SNTB2: variants seen among roughly 807,000 people sequenced by gnomAD.
SNTB2 encodes the protein beta-2-syntrophin.
SNTB2 carries 34 observed loss-of-function variants against 46.2 expected under a neutral mutation model. The ratio of observed to expected loss-of-function variants is 0.74; its 90% CI spans 0.56 to 0.98. SNTB2 has a LOEUF of 0.98. Among genes scored for constraint, SNTB2 ranks in the 50% least tolerant of loss-of-function variants. SNTB2 has a pLI of 0.00. For missense variants in SNTB2, 603 were observed against 731.4 expected, an observed-to-expected ratio of 0.82 and a Z score of 2.02; for synonymous variants, 290 against 312.6, an observed-to-expected ratio of 0.93 and a Z score of 0.76.
intron 1 of SNTB2, 99 bp from the exon 2 acceptor site, chr16:69,245,503 C>T (rs369667844): frequency 8.3e-7 from 1 of 1,209,910 alleles, no homozygotes; most frequent in East Asian, 2.3e-5. Flanking sequence ...CTCTTTCCTC[C>T]ACTTTGTTAT....
chr16:69,272,562 A>T (rs1229708905), intron 4 of SNTB2, among the ~76,000 whole-genome samples: 1 of 148,720 alleles, frequency 6.7e-6, no homozygotes, highest in Non-Finnish European at 1.5e-5. Flanking sequence ...AAAAAAAGAG[A>T]TAATTATTCC....
Position 69,301,099 on chromosome 16 carries a change from A to C in SNTB2, c.*175A>C. The C allele has an allele frequency of 1.8e-6, 1 of 552,372 alleles. No individual in the cohort carries two copies. Among genetic ancestry groups the C allele is most frequent in the Non-Finnish European group, 3.3e-6 (1 of 306,694 alleles). 34.2% of individuals were successfully genotyped at this position (552,372 alleles called of 1,614,324 possible). On this transcript the variant is annotated 3_prime_UTR_variant, in exon 7 of 7. Coordinates refer to ENST00000336278, the MANE Select transcript of SNTB2 (RefSeq NM_006750.4). ...AAGAAGAGCCTACCTTTCACAGTCT[A>C]CCTTGGCCAGATATTCTAGCACTCT...
At chr16:69,207,130 C>CCTTTT (rs895837128) in intron 1 of SNTB2, among the ~76,000 whole-genome samples, 13 of 146,974 alleles carry the variant, frequency 8.8e-5, no homozygotes, top group Non-Finnish European at 1.3e-4. Context: ...TATAGATTTT[C>CCTTTT]CTTTTCTTTT....
intron 1 of SNTB2, among the ~76,000 whole-genome samples, chr16:69,216,578 A>G (rs1029512874): frequency 6.6e-6 from 1 of 151,830 alleles, no homozygotes; most frequent in African/African-American, 2.4e-5. Context: ...TCAGCTACTC[A>G]GGAGGCTGAG....
At chr16:69,285,673 G>A (rs987767041) in intron 5 of SNTB2, among the ~76,000 whole-genome samples, 4 of 150,726 alleles carry the variant, frequency 2.7e-5, no homozygotes, top group Non-Finnish European at 5.9e-5. Context: ...TTTTTTTTAA[G>A]TAGAGATGGG....
intron 1 of SNTB2, among the ~76,000 whole-genome samples, chr16:69,221,668 C>G (rs758418332): frequency 1.3e-5 from 2 of 152,070 alleles, no homozygotes; most frequent in Admixed American, 6.6e-5. Context: ...CCCAGCTCCT[C>G]GGGAGGCTGA....
rs192045915 is a variant in SNTB2 at position 69,283,930 on chromosome 16, C to T, written c.1149-118C>T. The T allele has an allele frequency of 1.3e-4, 121 of 904,018 alleles. No individual in the cohort carries two copies. The African/African-American group carries it at 1.9e-3, about 14-fold the overall frequency. The allele number at this position is 904,018 out of a possible 1,614,324, so 56.0% of individuals were successfully genotyped here. ...AGACTATAATCTTGCTTTGAAATGTCTATATCCAAAAACTGCTGATTGCTT... is the reference window on the plus strand; with the variant it reads ...AGACTATAATCTTGCTTTGAAATGTTTATATCCAAAAACTGCTGATTGCTT... On this transcript the variant is annotated intron_variant, in intron 4 of 6. Transcript: ENST00000336278.
chr16:69,254,801 A>AC (rs1469501942), intron 2 of SNTB2, among the ~76,000 whole-genome samples: 2 of 152,104 alleles, frequency 1.3e-5, no homozygotes, highest in Non-Finnish European at 2.9e-5. Context: ...ACATAGTGAG[A>AC]CCCTGTCTCT....
chr16:69,247,718 G>A (rs1397024550), intron 2 of SNTB2, among the ~76,000 whole-genome samples: 1 of 152,164 alleles, frequency 6.6e-6, no homozygotes, highest in African/African-American at 2.4e-5. Context: ...TTTAAAAAAA[G>A]GGATAATGGT....
chr16:69,299,628 C>G lies in SNTB2; in HGVS notation c.1384C>G (p.His462Asp), dbSNP rs755449788. 1.2e-6 allele frequency: 2 copies of G among 1,614,124 alleles called. No homozygotes were observed. The highest frequency in any genetic ancestry group is 1.7e-6 in the Non-Finnish European group (2 of 1,180,014). The change falls in exon 6 of 7, where the codon CAC (histidine) becomes GAC (aspartate). Residue 462 changes from histidine (H) to aspartate (D), a missense_variant. His to Asp is a moderately conservative substitution (Grantham distance 81). Around this residue, in one of 2 missense-constraint regions of SNTB2, gnomAD observed 537 missense variants for 692.4 expected, o/e 0.78. Coordinates refer to ENST00000336278, the MANE Select transcript of SNTB2 (RefSeq NM_006750.4). The part of the protein sequence containing the change: ...LNGQEVRLTI[H>D]YENGFTISRE... ...TGGCCAAGAGGTGAGGCTTACTATT[C>G]ACTATGAAAATGGGTTCACCATCTC...
intron 2 of SNTB2, among the ~76,000 whole-genome samples, chr16:69,259,376 G>A (rs568044823): frequency 5.1e-3 from 769 of 150,504 alleles, no homozygotes; most frequent in Non-Finnish European, 9.2e-3. Flanking sequence ...GGGATTACAG[G>A]CACACGCCCC....
rs997806645 is a variant in SNTB2 at position 69,303,052 on chromosome 16, A to T, written c.*2128A>T. On this transcript the variant is annotated 3_prime_UTR_variant, in exon 7 of 7. Transcript: ENST00000336278. ...CAGCTAATTTTTGTATTTTTAGTAG[A>T]GGCAGGTTTTCACCATGTTGGCTAG... is the stretch of plus-strand genomic sequence containing the variant. The T allele has an allele frequency of 1.3e-5, 2 of 152,170 alleles. No individual in the cohort carries two copies. The highest frequency in any genetic ancestry group is 4.8e-5 in the African/African-American group (2 of 41,406). 9.4% of individuals were successfully genotyped at this position (152,170 alleles called of 1,614,324 possible). A position where few individuals can be genotyped will look rare whatever the true frequency, so the allele number is the denominator to read the frequency against.
chr16:69,258,551 A>G (rs1192975400), intron 2 of SNTB2, among the ~76,000 whole-genome samples: 1 of 151,666 alleles, frequency 6.6e-6, no homozygotes, highest in African/African-American at 2.4e-5. Flanking sequence ...AAGTACCCAA[A>G]CACAGTTTCA....
intron 4 of SNTB2, among the ~76,000 whole-genome samples, chr16:69,283,327 C>G (rs1278561257): frequency 2.6e-5 from 4 of 152,158 alleles, no homozygotes; most frequent in Non-Finnish European, 5.9e-5. Context: ...CAAACAAAGA[C>G]AGTTTTATTT....
At chr16:69,298,876 T>C (rs1965252560) in intron 5 of SNTB2, among the ~76,000 whole-genome samples, 1 of 152,124 alleles carries the variant, frequency 6.6e-6, no homozygotes, top group Admixed American at 6.6e-5. Context: ...CAGGAAACCT[T>C]TTCTTGACTT....
chr16:69,187,299 G>A lies in SNTB2; in HGVS notation c.133G>A (p.Gly45Arg). The A allele has an allele frequency of 1.3e-6, 2 of 1,485,704 alleles. No individual in the cohort carries two copies. Among genetic ancestry groups the A allele is most frequent in the Non-Finnish European group, 1.8e-6 (2 of 1,125,016 alleles). 92.0% of individuals were successfully genotyped at this position (1,485,704 alleles called of 1,614,324 possible). A position where few individuals can be genotyped will look rare whatever the true frequency, so the allele number is the denominator to read the frequency against. Residue 45 changes from glycine (G) to arginine (R), a missense_variant, in exon 1 of 7, where the codon GGG becomes AGG. By Grantham distance (125) the Gly-to-Arg change is moderately radical. Around this residue, in one of 2 missense-constraint regions of SNTB2, gnomAD observed 537 missense variants for 692.4 expected, o/e 0.78. Transcript: ENST00000336278. ...RWVRVVAELS[G>R]ESLSLTGDAA... ...GGTCCGAGTGGTGGCCGAGCTGAGC[G>A]GGGAGAGCCTGAGCCTGACGGGCGA...
chr16:69,244,550 C>T (rs1964650939), intron 1 of SNTB2, among the ~76,000 whole-genome samples: 1 of 152,162 alleles, frequency 6.6e-6, no homozygotes, highest in African/African-American at 2.4e-5. Context: ...GAAACAAGAA[C>T]ACCATGCCTC....
At chr16:69,204,131 G>A (rs780604126) in intron 1 of SNTB2, among the ~76,000 whole-genome samples, 4 of 145,710 alleles carry the variant, frequency 2.7e-5, no homozygotes, top group Non-Finnish European at 6.0e-5. Context: ...GACCTCAAGC[G>A]ATCCACCAGC....
intron 3 of SNTB2, among the ~76,000 whole-genome samples, chr16:69,266,449 T>TC (rs1440258344): frequency 2.6e-5 from 4 of 152,134 alleles, no homozygotes; most frequent in African/African-American, 9.7e-5. Flanking sequence ...CATTTTTTTT[T>TC]CCAATGGTAA....
Sources: allele counts gnomAD v4.1 joint callset (sites outside exome capture counted in the v4.1 genomes callset), GRCh38; gene constraint gnomAD v4.1.1; regional missense constraint gnomAD v4.1.1; transcripts MANE v1.5; gene names NCBI Gene and HGNC (gene_info 2026-07-23, HGNC 2026-07-21).